Variants in CDC45 observed in about 807,000 individuals in gnomAD.
CDC45 encodes cell division control protein 45 homolog.
CDC45 carries 54 observed loss-of-function variants against 77.8 expected under a neutral mutation model. The observed-to-expected ratio is 0.69, with a 90% confidence interval of 0.56 to 0.87. The LOEUF (loss-of-function observed/expected upper bound fraction) is 0.87. CDC45 is among the 40% of genes least tolerant of loss of function. The pLI, the probability that CDC45 is intolerant of heterozygous loss-of-function variation, is 0.00. For synonymous variants in CDC45, 260 were observed against 272.1 expected (o/e 0.96, Z 0.44); for missense variants, 649 against 721.6 (o/e 0.90, Z 1.15).
intron 6 of CDC45, 77 bp from the exon 7 acceptor site, chr22:19,495,904 G>A: frequency 1.1e-6 from 1 of 920,650 alleles, no homozygotes; most frequent in South Asian, 1.3e-5. Context: ...ATACTGTCAA[G>A]TTTAGCATTT....
At chr22:19,488,633 G>A (rs1162380810) in intron 5 of CDC45, among the ~76,000 whole-genome samples, 2 of 152,202 alleles carry the variant, frequency 1.3e-5, no homozygotes, top group African/African-American at 2.4e-5. Flanking sequence ...ATCTCAGGCT[G>A]TGGGAATTTT....
intron 9 of CDC45, among the ~76,000 whole-genome samples, chr22:19,499,947 A>G (rs1007451992): frequency 6.6e-6 from 1 of 152,066 alleles, no homozygotes; most frequent in Non-Finnish European, 1.5e-5. Context: ...CCATGCCACT[A>G]TTTCCTGCCT....
At chr22:19,483,640 A>G (rs1214181583) in intron 4 of CDC45, among the ~76,000 whole-genome samples, 1 of 152,232 alleles carries the variant, frequency 6.6e-6, no homozygotes, top group Non-Finnish European at 1.5e-5. Flanking sequence ...TCAGATTTTC[A>G]TAATTTCTGC....
intron 18 of CDC45, among the ~76,000 whole-genome samples, chr22:19,519,853 C>T (rs980233719): frequency 2.6e-4 from 39 of 152,032 alleles, no homozygotes; most frequent in African/African-American, 7.0e-4. Context: ...CCATTTTGGG[C>T]GCGGGGCTCT....
intron 5 of CDC45, among the ~76,000 whole-genome samples, chr22:19,489,037 G>T (rs1173863409): frequency 3.3e-5 from 5 of 152,076 alleles, no homozygotes; most frequent in African/African-American, 1.2e-4. Context: ...TTAGCCAGGT[G>T]TGGTGGTGCA....
In CDC45 at chr22:19,480,017, C is replaced by T; in HGVS notation, c.49C>T (p.Gln17Ter). The change falls in exon 1 of 19, where the codon CAG (glutamine) becomes TAG (stop). Residue 17 changes from glutamine (Q) to a stop codon, truncating the protein, a stop_gained and splice_region_variant. Coordinates refer to ENST00000263201, the MANE Select transcript of CDC45 (RefSeq NM_003504.5). LOFTEE classifies it high-confidence loss of function. ...AGAGTTCTACGAGGTGGTCCAGAGC[C>T]AGGTGACGCCCAGTCCGGGACCCCC... Reference protein sequence around the residue: ...RKEFYEVVQSQRVLLFVASDV... With the variant: ...RKEFYEVVQS 6.2e-7 allele frequency: 1 copy of T among 1,613,988 alleles called. No individual in the cohort carries two copies.
chr22:19,482,876 T>G, intron 4 of CDC45, 49 bp downstream of exon 4: 1 of 1,573,502 alleles, frequency 6.4e-7, no homozygotes, highest in Non-Finnish European at 8.7e-7. Context: ...TTATGCCATG[T>G]ACAATGTCTC....
chr22:19,516,282 A>G (rs1241916841), intron 15 of CDC45, among the ~76,000 whole-genome samples: 1 of 152,122 alleles, frequency 6.6e-6, no homozygotes, highest in East Asian at 1.9e-4. Flanking sequence ...ACACAGCATC[A>G]CAGCCACAGT....
At chr22:19,498,592 A>ATCCTGCTACTT (rs1318754467) in intron 8 of CDC45, among the ~76,000 whole-genome samples, 2 of 152,212 alleles carry the variant, frequency 1.3e-5, no homozygotes, top group Non-Finnish European at 2.9e-5. Context: ...GCTACTCTAC[A>ATCCTGCTACTT]TCCTGCTACT....
intron 5 of CDC45, among the ~76,000 whole-genome samples, chr22:19,492,223 A>G (rs1336623323): frequency 6.6e-6 from 1 of 151,836 alleles, no homozygotes; most frequent in Non-Finnish European, 1.5e-5. Context: ...CTTTTGTTGT[A>G]GCCCCACAAG....
chr22:19,490,098 C>T lies in CDC45; in HGVS notation c.487-4229C>T, dbSNP rs148872485. On this transcript the variant is annotated intron_variant, in intron 5 of 18. Coordinates refer to ENST00000263201, the MANE Select transcript of CDC45 (RefSeq NM_003504.5). ...TGATATTAATATTGCCACTCCTGCTCTCCTTTGATTAATGTTTGCACGATA... is the reference window on the plus strand; with the variant it reads ...TGATATTAATATTGCCACTCCTGCTTTCCTTTGATTAATGTTTGCACGATA... Among the ~76,000 whole-genome samples the T allele has an allele frequency of 7.1e-3, 1,085 of 152,342 alleles. 11 individuals carry two copies. Among genetic ancestry groups the T allele is most frequent in the Middle Eastern group, 0.024 (7 of 294 alleles).
chr22:19,482,613 AC>A lies in CDC45; in HGVS notation c.205-76del, dbSNP rs1366389912. ...CAGGGACTGAGTGAGTTTAAGCAGA[AC>A]AACTCAGAGGCTTAGTGATGAAGGA... On this transcript the variant is annotated intron_variant, in intron 3 of 18. Transcript: ENST00000263201. The A allele has an allele frequency of 4.7e-6, 7 of 1,486,986 alleles. No individual in the cohort carries two copies. The African/African-American group carries it at 9.7e-5, about 21-fold the overall frequency. The allele number at this position is 1,486,986 out of a possible 1,614,324, so 92.1% of individuals were successfully genotyped here.
At chr22:19,494,116 G>T (rs1167671402) in intron 5 of CDC45, among the ~76,000 whole-genome samples, 2 of 152,136 alleles carry the variant, frequency 1.3e-5, no homozygotes, top group Admixed American at 1.3e-4. Flanking sequence ...ATGGTGTCTG[G>T]AGAGCTGGGA....
chr22:19,507,285 G>T (rs1030966938), intron 10 of CDC45, 101 bp from the exon 11 acceptor site: 4 of 1,433,968 alleles, frequency 2.8e-6, no homozygotes, highest in Non-Finnish European at 3.8e-6. Flanking sequence ...GGCAGGCCTG[G>T]TGAGAAAGGG....
In CDC45 at chr22:19,516,799, T is replaced by G; in HGVS notation, c.1560-18T>G. 6.2e-7 allele frequency: 1 copy of G among 1,612,136 alleles called. No individual in the cohort carries two copies. Among genetic ancestry groups the G allele is most frequent in the Non-Finnish European group, 8.5e-7 (1 of 1,178,352 alleles). ...ATTGCAGGCCGCCTGGCCCCCGACATGTCTTGTGTGTCAGCAGCTTTTTTG... is the reference window on the plus strand; with the variant it reads ...ATTGCAGGCCGCCTGGCCCCCGACAGGTCTTGTGTGTCAGCAGCTTTTTTG... On this transcript the variant is annotated intron_variant, in intron 16 of 18. Transcript: ENST00000263201.
chr22:19,518,976 C>A, intron 18 of CDC45, 67 bp downstream of exon 18: 2 of 1,176,476 alleles, frequency 1.7e-6, no homozygotes, highest in Non-Finnish European at 2.6e-6. Context: ...TGATGCCCTG[C>A]TCTGTCCTCC....
At chr22:19,492,057 C>T (rs193201562) in intron 5 of CDC45, among the ~76,000 whole-genome samples, 4 of 152,260 alleles carry the variant, frequency 2.6e-5, no homozygotes, top group South Asian at 2.1e-4. Context: ...CTGCCCGCCT[C>T]GGCCTCCCAA....
upstream of CDC45, chr22:19,479,628 T>C (rs1025672423): frequency 3.1e-6 from 2 of 645,560 alleles, no homozygotes; most frequent in East Asian, 3.3e-5. Flanking sequence ...GGGTTCCCAG[T>C]GGGAGGCAGT....
At chr22:19,479,901 G>A, upstream of CDC45, 2 of 1,518,086 alleles carry the variant, frequency 1.3e-6, no homozygotes, top group East Asian at 2.3e-5. Context: ...GTGATTTGGC[G>A]GGAGTCTTGA....
Sources: allele counts gnomAD v4.1 joint callset (sites outside exome capture counted in the v4.1 genomes callset), GRCh38; gene constraint gnomAD v4.1.1; transcripts MANE v1.5; gene names NCBI Gene and HGNC (gene_info 2026-07-23, HGNC 2026-07-21).